The following KIF26B variants were observed in gnomAD, a reference collection of about 807,000 sequenced individuals.
The protein encoded by KIF26B is kinesin family member 26B, also known as kinesin-like protein KIF26B.
KIF26B carries 63 observed loss-of-function variants against 151.2 expected under a neutral mutation model. The observed-to-expected ratio is 0.42, with a 90% CI of 0.34 to 0.51. KIF26B has a LOEUF of 0.51. Ranked by LOEUF, KIF26B falls within the 20% of genes least tolerant of loss-of-function variation. KIF26B has a pLI of 0.07. For missense variants in KIF26B, 2,813 were observed against 2,913.6 expected, an observed-to-expected ratio of 0.97 and a Z score of 0.79; for synonymous variants, 1,357 against 1,262.1, an observed-to-expected ratio of 1.08 and a Z score of -1.59.
intron 9 of KIF26B, among the ~76,000 whole-genome samples, chr1:245,643,623 A>G (rs901691823): frequency 2.6e-5 from 4 of 152,224 alleles, no homozygotes; most frequent in African/African-American, 9.6e-5. Flanking sequence ...AATAAAAATT[A>G]CATATTTACC....
chr1:245,229,015 G>A (rs1430455535), intron 2 of KIF26B, among the ~76,000 whole-genome samples: 2 of 152,270 alleles, frequency 1.3e-5, no homozygotes, highest in Non-Finnish European at 2.9e-5. Flanking sequence ...TGCCCAGGCT[G>A]GAGTGCAATG....
chr1:245,487,728 G>A (rs955970777), intron 4 of KIF26B, among the ~76,000 whole-genome samples: 1 of 151,328 alleles, frequency 6.6e-6, no homozygotes, highest in African/African-American at 2.4e-5. Flanking sequence ...CTCCCGAGTA[G>A]CTAGGACTAC....
At chr1:245,519,322 G>A (rs1281399571) in intron 4 of KIF26B, among the ~76,000 whole-genome samples, 1 of 152,164 alleles carries the variant, frequency 6.6e-6, no homozygotes, top group Non-Finnish European at 1.5e-5. Flanking sequence ...GGGAGGCTGA[G>A]GCAGGCGGAT....
Position 245,611,962 on chromosome 1 carries a change from G to C in KIF26B, c.2084G>C (p.Ser695Thr), listed in dbSNP as rs370313704. The C allele has an allele frequency of 5.0e-6, 8 of 1,612,066 alleles. No homozygotes were observed. Among genetic ancestry groups the C allele is most frequent in the African/African-American group, 2.7e-5 (2 of 74,898 alleles). Residue 695 changes from serine to threonine, a missense_variant, in exon 9 of 15, where the codon AGC becomes ACC. By Grantham distance (58) the Ser-to-Thr change is moderately conservative (BLOSUM62 1). Transcript: ENST00000407071. ...ATCTACCAGTACCGGATGGAGAAGA[G>C]CGGGAAAGGGGGAAGTAAGTCGGCC... ...LHIYQYRMEKSGKGGMSGGRS... is the reference protein window; with the variant it reads ...LHIYQYRMEKTGKGGMSGGRS...
intron 2 of KIF26B, among the ~76,000 whole-genome samples, chr1:245,291,831 C>T (rs959440816): frequency 3.9e-5 from 6 of 152,084 alleles, no homozygotes; most frequent in Non-Finnish European, 8.8e-5. Flanking sequence ...AGAGACGGTA[C>T]GGTGGAGCAC....
intron 9 of KIF26B, among the ~76,000 whole-genome samples, chr1:245,635,553 C>G (rs1265656427): frequency 1.3e-5 from 2 of 151,970 alleles, no homozygotes; most frequent in Non-Finnish European, 2.9e-5. Flanking sequence ...TGTTGATCTT[C>G]TCAAAGAACC....
chr1:245,504,588 C>T (rs568155231), intron 4 of KIF26B, among the ~76,000 whole-genome samples: 1 of 152,128 alleles, frequency 6.6e-6, no homozygotes, highest in African/African-American at 2.4e-5. Flanking sequence ...TGCAGGTCCA[C>T]ACCACCACTC....
chr1:245,421,727 T>C lies in KIF26B; in HGVS notation c.1166+1982T>C, dbSNP rs954133376. 4.6e-5 allele frequency among the ~76,000 whole-genome samples: 7 copies of C among 151,900 alleles called. No homozygotes were observed. The South Asian group carries it at 6.2e-4, about 13-fold the overall frequency. ...AGAAATAAGAAGTGAGGGTTCCCAA[T>C]TGGCAGAATTTAAGGAGAACATGAG... On this transcript the variant is annotated intron_variant, in intron 4 of 14. Transcript: ENST00000407071.
chr1:245,600,101 T>C (rs1309621388), intron 5 of KIF26B, among the ~76,000 whole-genome samples: 1 of 145,042 alleles, frequency 6.9e-6, no homozygotes, highest in African/African-American at 2.6e-5. Context: ...TGTAATGGCG[T>C]GATCTTGGCT....
chr1:245,464,319 C>T (rs1267712934), intron 4 of KIF26B, among the ~76,000 whole-genome samples: 5 of 152,100 alleles, frequency 3.3e-5, no homozygotes. Context: ...ATGTGTGTCC[C>T]GTCCCCCGAC....
intron 3 of KIF26B, among the ~76,000 whole-genome samples, chr1:245,395,412 G>T (rs960396993): frequency 6.6e-6 from 1 of 152,148 alleles, no homozygotes; most frequent in African/African-American, 2.4e-5. Flanking sequence ...AAGTTAGGTG[G>T]TAGTAGTGGA....
intron 4 of KIF26B, among the ~76,000 whole-genome samples, chr1:245,439,827 G>C (rs968618432): frequency 1.4e-4 from 21 of 152,122 alleles, no homozygotes; most frequent in Non-Finnish European, 3.1e-4. Flanking sequence ...TAAATGTGTT[G>C]GACATCATCG....
chr1:245,264,577 TAAAA>T (rs141319028), intron 2 of KIF26B, among the ~76,000 whole-genome samples: 1 of 145,702 alleles, frequency 6.9e-6, no homozygotes, highest in Admixed American at 6.9e-5. Flanking sequence ...TTATTGTTCT[TAAAA>T]AAAAAACAAA....
At chr1:245,428,843 G>C (rs1658708141) in intron 4 of KIF26B, among the ~76,000 whole-genome samples, 1 of 152,122 alleles carries the variant, frequency 6.6e-6, no homozygotes, top group Non-Finnish European at 1.5e-5. Flanking sequence ...TTCATGTCTT[G>C]ATGTGAATGT....
intron 2 of KIF26B, among the ~76,000 whole-genome samples, chr1:245,201,625 T>G (rs1344816667): frequency 6.6e-6 from 1 of 152,200 alleles, no homozygotes; most frequent in Non-Finnish European, 1.5e-5. Context: ...AGATCTCTGC[T>G]TTCACATAAA....
At chr1:245,283,511 T>C (rs988848017) in intron 2 of KIF26B, among the ~76,000 whole-genome samples, 3 of 152,186 alleles carry the variant, frequency 2.0e-5, no homozygotes, top group Admixed American at 6.5e-5. Context: ...TGGGGAGTTA[T>C]TGGTCTGTGA....
At chr1:245,583,458 C>T (rs1258636771) in intron 5 of KIF26B, among the ~76,000 whole-genome samples, 1 of 152,216 alleles carries the variant, frequency 6.6e-6, no homozygotes, top group African/African-American at 2.4e-5. Context: ...TGCCTGCCAC[C>T]ATCAGTTCCC....
chr1:245,553,808 A>T (rs1182276720), intron 5 of KIF26B, among the ~76,000 whole-genome samples: 3 of 152,130 alleles, frequency 2.0e-5, no homozygotes, highest in African/African-American at 7.2e-5. Flanking sequence ...CACCCGGGTG[A>T]TTCCATTTCA....
At chr1:245,194,597 C>T (rs10802194) in intron 2 of KIF26B, among the ~76,000 whole-genome samples, 92,366 of 151,906 alleles carry the variant, frequency 0.61, 28,597 homozygotes, top group Middle Eastern at 0.7. Context: ...AGGCTGGTCT[C>T]GAACATCTGA....
Sources: gnomAD v4.1 joint callset for allele counts (sites outside exome capture counted in the v4.1 genomes callset) on GRCh38, gnomAD v4.1.1 for gene constraint, MANE v1.5 for transcripts, NCBI Gene and HGNC (gene_info 2026-07-23, HGNC 2026-07-21) for gene names.